The following CDH12 variants were observed in gnomAD, a reference collection of about 807,000 sequenced individuals.
CDH12 encodes cadherin-12.
In CDH12, 41 loss-of-function variants were observed where a neutral mutation model predicts 74.1. That is an observed-to-expected ratio of 0.55 (90% confidence interval 0.43 to 0.72). CDH12 has a LOEUF of 0.72. Among genes scored for constraint, CDH12 ranks in the 30% least tolerant of loss-of-function variants. The pLI is 0.00. For synonymous variants in CDH12, 399 were observed against 355.0 expected (o/e 1.12, Z -1.39); for missense variants, 945 against 977.2 (o/e 0.97, Z 0.44).
At chr5:21,793,667 A>G (rs946319736) in intron 10 of CDH12, among the ~76,000 whole-genome samples, 1 of 151,654 alleles carries the variant, frequency 6.6e-6, no homozygotes, top group African/African-American at 2.4e-5. Flanking sequence ...ACCTAAATAT[A>G]GACATCATAT....
chr5:22,091,999 A>G (rs1743463805), intron 4 of CDH12, among the ~76,000 whole-genome samples: 1 of 151,724 alleles, frequency 6.6e-6, no homozygotes, highest in African/African-American at 2.4e-5. Context: ...TGTATCTAAT[A>G]CTGCTTGTAG....
intron 6 of CDH12, chr5:21,882,539 CCGA>C (rs1752409031): frequency 7.4e-6 from 8 of 1,088,152 alleles, no homozygotes; most frequent in Admixed American, 1.7e-5. Flanking sequence ...TCACTCGCCG[CCGA>C]CAACCTGTCT....
At chr5:22,741,300 T>C (rs1212657648) in intron 1 of CDH12, among the ~76,000 whole-genome samples, 1 of 152,210 alleles carries the variant, frequency 6.6e-6, no homozygotes, top group East Asian at 1.9e-4. Flanking sequence ...TTGTAGATTC[T>C]TTGCTTTTAC....
At chr5:22,834,774 C>T (rs757485608) in intron 1 of CDH12, among the ~76,000 whole-genome samples, 65 of 151,600 alleles carry the variant, frequency 4.3e-4, no homozygotes, top group Non-Finnish European at 8.0e-4. Flanking sequence ...ATATTTTATA[C>T]GCTATTTTTA....
intron 1 of CDH12, among the ~76,000 whole-genome samples, chr5:22,509,964 A>C (rs1736534098): frequency 1.3e-5 from 2 of 152,136 alleles, no homozygotes; most frequent in South Asian, 4.1e-4. Context: ...AATATCTTGA[A>C]GAGATTCTTT....
intron 4 of CDH12, among the ~76,000 whole-genome samples, chr5:22,097,359 C>G (rs1441202350): frequency 6.6e-6 from 1 of 152,156 alleles, no homozygotes; most frequent in African/African-American, 2.4e-5. Flanking sequence ...TAGACCATCA[C>G]GGATGCTGAG....
rs775995801 is a variant in CDH12, at chr5:22,003,824, C to CAAAAA, written c.232-28444_232-28440dup. On this transcript the variant is annotated intron_variant, in intron 5 of 14. Transcript: ENST00000382254. ...AATGATCAGCAGGCCCCCGCTTCCA[C>CAAAAA]AAAAAAAAAAAAAAAAAAAAAAAAG... 9.9e-3 allele frequency among the ~76,000 whole-genome samples: 462 copies of CAAAAA among 46,878 alleles called. 21 individuals are homozygous for CAAAAA. Among genetic ancestry groups the CAAAAA allele is most frequent in the African/African-American group, 0.031 (405 of 12,980 alleles). 30.8% of individuals were successfully genotyped at this position (46,878 alleles called of 152,430 possible).
intron 4 of CDH12, among the ~76,000 whole-genome samples, chr5:22,122,487 T>C (rs1165028340): frequency 2.6e-5 from 4 of 151,994 alleles, no homozygotes; most frequent in Non-Finnish European, 5.9e-5. Flanking sequence ...AGGACTCATC[T>C]CCTATTTCCC....
intron 3 of CDH12, among the ~76,000 whole-genome samples, chr5:22,328,231 T>C (rs949055206): frequency 6.6e-6 from 1 of 152,214 alleles, no homozygotes; most frequent in African/African-American, 2.4e-5. Flanking sequence ...AAAAAATATA[T>C]GTTTAGGATT....
At chr5:21,821,634 T>C (rs888697289) in intron 8 of CDH12, among the ~76,000 whole-genome samples, 1 of 151,888 alleles carries the variant, frequency 6.6e-6, no homozygotes, top group African/African-American at 2.4e-5. Context: ...ACTAGAAATA[T>C]TGGAGGGCTT....
At chr5:22,272,204 C>T (rs1452237847) in intron 3 of CDH12, among the ~76,000 whole-genome samples, 1 of 152,212 alleles carries the variant, frequency 6.6e-6, no homozygotes, top group Non-Finnish European at 1.5e-5. Flanking sequence ...TGCTGCTTCA[C>T]CTTGCATTTT....
At chr5:22,743,284 ATATATATG>A (rs1560998763) in intron 1 of CDH12, among the ~76,000 whole-genome samples, 151 of 143,102 alleles carry the variant, frequency 1.1e-3, no homozygotes, top group African/African-American at 3.7e-3. Context: ...ATATATATGT[ATATATATG>A]TATATGTATA....
intron 1 of CDH12, among the ~76,000 whole-genome samples, chr5:22,662,688 T>G (rs1403068452): frequency 2.0e-5 from 3 of 152,236 alleles, no homozygotes; most frequent in Non-Finnish European, 4.4e-5. Context: ...TAAAAAATTT[T>G]TTTGATGAAA....
intron 1 of CDH12, among the ~76,000 whole-genome samples, chr5:22,760,678 C>CAAAAAAAAAAAAAAAAAAAAAAAAAAA (rs11284255): frequency 1.6e-5 from 1 of 63,432 alleles, no homozygotes; most frequent in Non-Finnish European, 2.8e-5. Flanking sequence ...GACTCCGTCT[C>CAAAAAAAAAAAAAAAAAAAAAAAAAAA]AAAAAAAAAA....
chr5:22,157,933 A>T (rs1748125763), intron 4 of CDH12, among the ~76,000 whole-genome samples: 1 of 152,000 alleles, frequency 6.6e-6, no homozygotes, highest in South Asian at 2.1e-4. Flanking sequence ...CGGGATAAAG[A>T]TTATAATGAG....
At chr5:21,878,820 G>A (rs999297138) in intron 6 of CDH12, among the ~76,000 whole-genome samples, 14 of 82,590 alleles carry the variant, frequency 1.7e-4, no homozygotes, top group East Asian at 1.1e-3. Context: ...AAGAAAGAAA[G>A]AGAAAAGAAA....
rs1435171101 is a variant in CDH12, at chr5:21,948,248, T to C, written c.526+26843A>G. 1.3e-5 allele frequency among the ~76,000 whole-genome samples: 2 copies of C among 152,048 alleles called. 1 individual carries two copies. The highest frequency in any genetic ancestry group is 4.2e-4 in the South Asian group (2 of 4,818). On this transcript the variant is annotated intron_variant, in intron 6 of 14. Coordinates refer to ENST00000382254, the MANE Select transcript of CDH12 (RefSeq NM_004061.5). ...GTTCTCCAGACCCCTGAATGGAAGA[T>C]CCACCAACAGCTTGTACTGTGCACC...
At chr5:22,188,520 C>T (rs1463441540) in intron 4 of CDH12, among the ~76,000 whole-genome samples, 1 of 152,194 alleles carries the variant, frequency 6.6e-6, no homozygotes, top group East Asian at 1.9e-4. Flanking sequence ...TATCATCCTA[C>T]ATTTTTCGTT....
intron 4 of CDH12, chr5:22,144,093 C>T (rs1365095065): frequency 6.6e-6 from 1 of 152,128 alleles, no homozygotes; most frequent in African/African-American, 2.4e-5. Flanking sequence ...ACCACTTCTA[C>T]CAAAACATAA....
Sources: gnomAD v4.1 joint callset for allele counts (sites outside exome capture counted in the v4.1 genomes callset) on GRCh38, gnomAD v4.1.1 for gene constraint, MANE v1.5 for transcripts, NCBI Gene and HGNC (gene_info 2026-07-23, HGNC 2026-07-21) for gene names.